The following ADAMTS19 variants were observed in gnomAD, a reference collection of about 807,000 sequenced individuals.
The protein encoded by ADAMTS19 is ADAM metallopeptidase with thrombospondin type 1 motif 19.
Under a neutral mutation model 153.3 loss-of-function variants are expected in ADAMTS19, and 93 were observed. The ratio of observed to expected loss-of-function variants is 0.61; its 90% CI spans 0.51 to 0.72. ADAMTS19 has a LOEUF of 0.72. ADAMTS19 is among the 30% of genes least tolerant of loss of function. The probability of loss-of-function intolerance (pLI) is 0.00; values close to 1 mark genes in which losing one functional copy is unlikely to be tolerated. For synonymous variants in ADAMTS19, 600 were observed against 556.6 expected (o/e 1.08, Z -1.10); for missense variants, 1,482 against 1,552.1 (o/e 0.95, Z 0.76).
At chr5:129,703,496 G>A (rs1391537958) in intron 20 of ADAMTS19, among the ~76,000 whole-genome samples, 1 of 152,122 alleles carries the variant, frequency 6.6e-6, no homozygotes, top group Non-Finnish European at 1.5e-5. Flanking sequence ...ACTTTGGGAG[G>A]CCAAGGTGGG....
chr5:129,634,719 C>T (rs1303287054), intron 10 of ADAMTS19, among the ~76,000 whole-genome samples: 1 of 151,964 alleles, frequency 6.6e-6, no homozygotes, highest in Non-Finnish European at 1.5e-5. Context: ...AACTGGGCCC[C>T]TTTTTAGGCC....
chr5:129,470,517 T>C (rs1170847981), intron 2 of ADAMTS19, among the ~76,000 whole-genome samples: 1 of 152,184 alleles, frequency 6.6e-6, no homozygotes, highest in Non-Finnish European at 1.5e-5. Flanking sequence ...GGTGCAGCTA[T>C]AGTGAACACA....
intron 14 of ADAMTS19, among the ~76,000 whole-genome samples, chr5:129,656,902 G>C (rs542446774): frequency 1.6e-4 from 25 of 152,238 alleles, no homozygotes; most frequent in African/African-American, 5.5e-4. Context: ...AGGCAATCTG[G>C]GTACCAGGGA....
chr5:129,725,358 C>G (rs1018851282), intron 21 of ADAMTS19, among the ~76,000 whole-genome samples: 3 of 152,056 alleles, frequency 2.0e-5, no homozygotes, highest in African/African-American at 7.2e-5. Context: ...TGTCCACATG[C>G]ACAACGGCCG....
chr5:129,662,385 C>T (rs1435657099), intron 15 of ADAMTS19, among the ~76,000 whole-genome samples: 1 of 152,202 alleles, frequency 6.6e-6, no homozygotes, highest in Non-Finnish European at 1.5e-5. Flanking sequence ...GGCTTATTTA[C>T]TGAAAGTATT....
chr5:129,498,569 A>T (rs750000408), intron 2 of ADAMTS19, among the ~76,000 whole-genome samples: 5 of 152,070 alleles, frequency 3.3e-5, no homozygotes, highest in Non-Finnish European at 7.4e-5. Flanking sequence ...TATAAATGAT[A>T]ATTAGAAGTG....
At chr5:129,733,301 C>A (rs1376103881) in intron 21 of ADAMTS19, among the ~76,000 whole-genome samples, 2 of 151,910 alleles carry the variant, frequency 1.3e-5, no homozygotes, top group African/African-American at 4.8e-5. Context: ...CAAAAAGGCA[C>A]AAATGGGACT....
intron 2 of ADAMTS19, among the ~76,000 whole-genome samples, chr5:129,465,161 A>G (rs542173946): frequency 1.6e-4 from 24 of 152,316 alleles, no homozygotes; most frequent in East Asian, 7.7e-4. Flanking sequence ...TTGGCACTCA[A>G]TAAAAATCAC....
chr5:129,732,345 G>T (rs935872340), intron 21 of ADAMTS19, among the ~76,000 whole-genome samples: 1 of 152,018 alleles, frequency 6.6e-6, no homozygotes, highest in Non-Finnish European at 1.5e-5. Context: ...GCAAGAGAAA[G>T]AAATAAAACA....
At chr5:129,601,886 A>G (rs1162995791) in intron 8 of ADAMTS19, among the ~76,000 whole-genome samples, 3 of 152,180 alleles carry the variant, frequency 2.0e-5, no homozygotes, top group Non-Finnish European at 2.9e-5. Flanking sequence ...CCTAGTCCCC[A>G]ACCATAAATC....
At chr5:129,505,984 A>T (rs1390257298) in intron 2 of ADAMTS19, among the ~76,000 whole-genome samples, 1 of 152,172 alleles carries the variant, frequency 6.6e-6, no homozygotes, top group Non-Finnish European at 1.5e-5. Flanking sequence ...AATTCAGAGG[A>T]CGATATTCGC....
intron 7 of ADAMTS19, among the ~76,000 whole-genome samples, chr5:129,564,234 A>G (rs1445245960): frequency 6.6e-6 from 1 of 152,130 alleles, no homozygotes; most frequent in Non-Finnish European, 1.5e-5. Flanking sequence ...TGATATATTG[A>G]CTTTGGCCTT....
At chr5:129,510,219 G>A (rs1254528417) in intron 3 of ADAMTS19, among the ~76,000 whole-genome samples, 1 of 151,818 alleles carries the variant, frequency 6.6e-6, no homozygotes, top group Non-Finnish European at 1.5e-5. Flanking sequence ...GATTAGATAT[G>A]TGCATGGTGA....
chr5:129,543,356 T>C (rs988720573), intron 6 of ADAMTS19, among the ~76,000 whole-genome samples: 1 of 152,154 alleles, frequency 6.6e-6, no homozygotes, highest in East Asian at 1.9e-4. Context: ...CCAGCCTGGA[T>C]TAACTAGTTT....
At chr5:129,633,610 A>G (rs1261406392) in intron 10 of ADAMTS19, among the ~76,000 whole-genome samples, 2 of 152,180 alleles carry the variant, frequency 1.3e-5, no homozygotes, top group Admixed American at 6.6e-5. Context: ...AATATGTACT[A>G]TTTGGCAATT....
At chr5:129,590,732 T>C (rs1750093570) in intron 7 of ADAMTS19, among the ~76,000 whole-genome samples, 1 of 152,208 alleles carries the variant, frequency 6.6e-6, no homozygotes, top group Admixed American at 6.5e-5. Context: ...TGAGACAACT[T>C]ATTATTGAAA....
At chr5:129,554,179 AACC>A (rs1259490400) in intron 7 of ADAMTS19, among the ~76,000 whole-genome samples, 1 of 152,110 alleles carries the variant, frequency 6.6e-6, no homozygotes, top group African/African-American at 2.4e-5. Flanking sequence ...TGGATTTTGG[AACC>A]AATCCCCCAT....
chr5:129,476,347 A>C (rs1750226698), intron 2 of ADAMTS19, among the ~76,000 whole-genome samples: 1 of 152,132 alleles, frequency 6.6e-6, no homozygotes, highest in Non-Finnish European at 1.5e-5. Context: ...TCACACAGAT[A>C]GTGTTTTTGC....
At chr5:129,671,747 C>T (rs2127096994) in intron 16 of ADAMTS19, among the ~76,000 whole-genome samples, 1 of 152,036 alleles carries the variant, frequency 6.6e-6, no homozygotes, top group South Asian at 2.1e-4. Context: ...CGTAATTTAT[C>T]AAAAAGCCTA....
Sources: gnomAD v4.1 joint callset for allele counts (sites outside exome capture counted in the v4.1 genomes callset) on GRCh38, gnomAD v4.1.1 for gene constraint, MANE v1.5 for transcripts, NCBI Gene and HGNC (gene_info 2026-07-23, HGNC 2026-07-21) for gene names.